Variants in MTMR6 observed in about 807,000 individuals in gnomAD.
MTMR6 encodes the protein myotubularin related protein 6.
A neutral mutation model predicts 80.1 loss-of-function variants in MTMR6; 47 were observed. The observed-to-expected ratio is 0.59, with a 90% CI of 0.46 to 0.75. The LOEUF (loss-of-function observed/expected upper bound fraction) is 0.75. MTMR6 is among the 30% of genes least tolerant of loss of function. The pLI is 0.00. For missense variants in MTMR6, 629 were observed against 730.9 expected (o/e 0.86, Z 1.61); for synonymous variants, 254 against 253.0 (o/e 1.00, Z -0.04).
intron 3 of MTMR6, among the ~76,000 whole-genome samples, chr13:25,267,218 G>T (rs531182341): frequency 6.9e-6 from 1 of 144,410 alleles, no homozygotes; most frequent in South Asian, 2.3e-4. Flanking sequence ...CTGCACTCCA[G>T]TCTGGGCGAG....
In MTMR6 at chr13:25,251,720, C is replaced by T; in HGVS notation, c.1534G>A (p.Val512Ile). Reference protein sequence around the residue: ...FDRTLHPRQSVFNIIMNMNEQ... With the variant: ...FDRTLHPRQSIFNIIMNMNEQ... ...TTCATATTCATAATTATATTAAATA[C>T]AGACTGCCTAGGATGCAGTGTTCGA... Residue 512 changes from valine to isoleucine, a missense_variant, in exon 13 of 14, where the codon GTA becomes ATA. Physicochemically the swap from Val to Ile is conservative, Grantham distance 29. Transcript: ENST00000381801. This position sits in a 1 kb window ranked among gnomAD's most constrained non-coding sequence, Gnocchi z 4.1. 6.3e-7 allele frequency: 1 copy of T among 1,584,570 alleles called. No homozygotes were observed. The highest frequency in any genetic ancestry group is 1.1e-5 in the South Asian group (1 of 89,292).
chr13:25,254,534 C>G, intron 9 of MTMR6, 100 bp from the exon 10 acceptor site: 10 of 791,600 alleles, frequency 1.3e-5, no homozygotes, highest in Non-Finnish European at 2.0e-5. Context: ...TTACTGTACA[C>G]TTTTAACTTA....
At chr13:25,258,023 T>C (rs866364397) in intron 7 of MTMR6, among the ~76,000 whole-genome samples, 178 bp from the exon 8 acceptor site, 1 of 152,246 alleles carries the variant, frequency 6.6e-6, no homozygotes, top group Non-Finnish European at 1.5e-5. Flanking sequence ...ATTTTTCTAT[T>C]ATTCCCGTGC....
intron 9 of MTMR6, among the ~76,000 whole-genome samples, chr13:25,256,384 T>G (rs1477060554): frequency 6.6e-6 from 1 of 152,236 alleles, no homozygotes; most frequent in Non-Finnish European, 1.5e-5. Flanking sequence ...GCACTCCCGC[T>G]TGGCCTGTCC....
At chr13:25,280,599 T>C (rs772183397) in intron 1 of MTMR6, among the ~76,000 whole-genome samples, 2 of 152,212 alleles carry the variant, frequency 1.3e-5, no homozygotes, top group Non-Finnish European at 2.9e-5. Flanking sequence ...AAAAGTATTT[T>C]ACAGATGTTG....
At chr13:25,285,885 T>C (rs1177348049) in intron 1 of MTMR6, among the ~76,000 whole-genome samples, 1 of 152,042 alleles carries the variant, frequency 6.6e-6, no homozygotes, top group Non-Finnish European at 1.5e-5. Flanking sequence ...ATATGAAAAA[T>C]AGAGGAGCTT....
At chr13:25,274,330 C>T in intron 1 of MTMR6, 143 bp from the exon 2 acceptor site, 1 of 553,786 alleles carries the variant, frequency 1.8e-6, no homozygotes, top group Non-Finnish European at 3.2e-6. Context: ...TGTTAAATTC[C>T]ATATATCTTT....
At position 25,258,615 on chromosome 13, in the gene MTMR6, A is replaced by G; in HGVS notation, c.804T>C (p.Phe268=). Residue 268 remains phenylalanine (F), a synonymous_variant, in exon 7 of 14, where the codon TTT becomes TTC. Transcript: ENST00000381801. ...TGACATGAATATTTTCAATTCCAAC[A>G]AACTGAAATCTAATATTGGAATAGT... is the stretch of plus-strand genomic sequence containing the variant. ...EDNYSNIRFQ[F]VGIENIHVMR... The G allele has an allele frequency of 6.3e-7, 1 of 1,599,674 alleles. No individual in the cohort carries two copies. Among genetic ancestry groups the G allele is most frequent in the East Asian group, 2.3e-5 (1 of 43,738 alleles).
At chr13:25,282,303 C>T (rs896386020) in intron 1 of MTMR6, among the ~76,000 whole-genome samples, 7 of 152,218 alleles carry the variant, frequency 4.6e-5, no homozygotes, top group African/African-American at 1.7e-4. Flanking sequence ...CCCTCATACT[C>T]TTCAGAGCCC....
At chr13:25,276,861 T>C (rs546284354) in intron 1 of MTMR6, among the ~76,000 whole-genome samples, 1 of 152,336 alleles carries the variant, frequency 6.6e-6, no homozygotes, top group South Asian at 2.1e-4. Context: ...ATTATTTCTT[T>C]TAATTTTCAC....
intron 1 of MTMR6, among the ~76,000 whole-genome samples, chr13:25,280,729 A>T (rs1957824318): frequency 6.6e-6 from 1 of 152,204 alleles, no homozygotes; most frequent in South Asian, 2.1e-4. Context: ...TCCTTAAATT[A>T]TAGGTATCAT....
At chr13:25,267,609 G>C (rs1269835093) in intron 3 of MTMR6, among the ~76,000 whole-genome samples, 170 bp downstream of exon 3, 5 of 152,052 alleles carry the variant, frequency 3.3e-5, no homozygotes, top group Admixed American at 1.3e-4. Context: ...TCTTATATCA[G>C]ATCAATAGTT....
At chr13:25,287,188 G>A in intron 1 of MTMR6, 36 bp downstream of exon 1, 1 of 1,586,238 alleles carries the variant, frequency 6.3e-7, no homozygotes, top group South Asian at 1.1e-5. Flanking sequence ...GGTCAGAGCA[G>A]GGCCCCTGAA....
intron 1 of MTMR6, among the ~76,000 whole-genome samples, chr13:25,282,510 G>A (rs1366826434): frequency 2.0e-5 from 3 of 152,108 alleles, no homozygotes; most frequent in Non-Finnish European, 4.4e-5. Flanking sequence ...ATTAGAACAC[G>A]GAAGACTGTC....
chr13:25,253,731 G>C (rs200439225), intron 11 of MTMR6, 33 bp downstream of exon 11: 8 of 1,581,910 alleles, frequency 5.1e-6, no homozygotes, highest in African/African-American at 1.3e-5. Flanking sequence ...TAAGTAGGGG[G>C]AAAAGGAGAC....
intron 1 of MTMR6, among the ~76,000 whole-genome samples, chr13:25,282,706 A>G (rs1957881999): frequency 6.6e-6 from 1 of 151,430 alleles, no homozygotes; most frequent in Admixed American, 6.6e-5. Context: ...TCTGGGTTCA[A>G]GTGATTATCA....
intron 1 of MTMR6, among the ~76,000 whole-genome samples, chr13:25,275,729 C>G (rs551576472): frequency 6.6e-6 from 1 of 151,338 alleles, no homozygotes; most frequent in African/African-American, 2.4e-5. Context: ...GGTGTAGTGG[C>G]GGGCGCCTAT....
At chr13:25,276,298 CA>C (rs904578113) in intron 1 of MTMR6, among the ~76,000 whole-genome samples, 1 of 152,176 alleles carries the variant, frequency 6.6e-6, no homozygotes, top group African/African-American at 2.4e-5. Flanking sequence ...AAGGTTACCA[CA>C]AAGTATCAAC....
chr13:25,263,553 T>G (rs1957385343), intron 5 of MTMR6, among the ~76,000 whole-genome samples: 1 of 152,186 alleles, frequency 6.6e-6, no homozygotes, highest in African/African-American at 2.4e-5. Context: ...GGGACCAAAA[T>G]TAGAGGTTTG....
Sources: allele counts gnomAD v4.1 joint callset (sites outside exome capture counted in the v4.1 genomes callset), GRCh38; gene constraint gnomAD v4.1.1; non-coding constraint Gnocchi (gnomAD v3.1); transcripts MANE v1.5; gene names NCBI Gene and HGNC (gene_info 2026-07-23, HGNC 2026-07-21).